Variants in PCDHGA3 observed in about 807,000 individuals in gnomAD.
The protein encoded by PCDHGA3 is protocadherin gamma subfamily A, 3.
In PCDHGA3, 40 loss-of-function variants were observed where a neutral mutation model predicts 58.5. The observed-to-expected ratio is 0.68, with a 90% CI of 0.53 to 0.89. The LOEUF (loss-of-function observed/expected upper bound fraction) is 0.89, where lower values mean the gene tolerates loss of function less well. Ranked by LOEUF, PCDHGA3 falls within the 40% of genes least tolerant of loss-of-function variation. PCDHGA3 has a pLI of 0.00. For missense variants in PCDHGA3, 1,223 were observed against 1,195.9 expected (o/e 1.02, Z -0.33); for synonymous variants, 530 against 525.7 (o/e 1.01, Z -0.11).
Position 141,491,498 on chromosome 5 carries a change from C to T in PCDHGA3, c.2425-3309C>T, listed in dbSNP as rs975297143. 2 of 1,614,102 alleles carry T rather than the reference C, an allele frequency of 1.2e-6. No homozygotes were observed. Among genetic ancestry groups the T allele is most frequent in the Non-Finnish European group, 1.7e-6 (2 of 1,180,018 alleles). ...TCCAGCCCCAACCTGCAGGTGAGCT[C>T]GGACGGCACGCTCAAGTACATGGAG... On this transcript the variant is annotated intron_variant, in intron 1 of 3. Transcript: ENST00000253812. The surrounding 1 kb of genome is among the most constrained non-coding windows in gnomAD (Gnocchi z 6.9).
At chr5:141,356,082 G>A in intron 1 of PCDHGA3, 4 of 1,613,870 alleles carry the variant, frequency 2.5e-6, no homozygotes, top group Non-Finnish European at 3.4e-6. Flanking sequence ...TATTTCAGTT[G>A]AATTCTCTGA....
intron 1 of PCDHGA3, among the ~76,000 whole-genome samples, chr5:141,397,036 T>G (rs2093467467): frequency 2.0e-5 from 3 of 152,222 alleles, no homozygotes. Context: ...TGTCCACAAA[T>G]TTATGTAAAT....
intron 1 of PCDHGA3, among the ~76,000 whole-genome samples, chr5:141,430,346 C>G (rs1191705310): frequency 6.8e-6 from 1 of 148,074 alleles, no homozygotes; most frequent in Non-Finnish European, 1.5e-5. Context: ...ACTTCCAATT[C>G]ATTTAAAAGC....
At chr5:141,502,118 G>A (rs897244225) in intron 2 of PCDHGA3, among the ~76,000 whole-genome samples, 3 of 152,108 alleles carry the variant, frequency 2.0e-5, no homozygotes, top group African/African-American at 7.2e-5. Context: ...CCTCAGCCAG[G>A]CCCACAGAGC....
chr5:141,428,857 A>C (rs2097165548), intron 1 of PCDHGA3: 1 of 140,386 alleles, frequency 7.1e-6, no homozygotes, highest in Non-Finnish European at 1.5e-5. Context: ...TTTTTACGGG[A>C]GACTTTTTTT....
chr5:141,485,601 G>T lies in PCDHGA3; in HGVS notation c.2425-9206G>T, dbSNP rs762783104. On this transcript the variant is annotated intron_variant, in intron 1 of 3. Transcript: ENST00000253812. The surrounding 1 kb of genome is among the most constrained non-coding windows in gnomAD (Gnocchi z 5.7). ...CGGCAGCAGCTGGACTTGGAAATTG[G>T]GGAGGCAGCTCCTCCAGGACAGCGT... The T allele has an allele frequency of 3.1e-6, 5 of 1,612,290 alleles. No individual in the cohort carries two copies. Among genetic ancestry groups the T allele is most frequent in the Non-Finnish European group, 4.2e-6 (5 of 1,178,722 alleles).
chr5:141,503,221 C>A (rs528636727), intron 2 of PCDHGA3, among the ~76,000 whole-genome samples: 2 of 151,956 alleles, frequency 1.3e-5, no homozygotes, highest in Non-Finnish European at 2.9e-5. Context: ...CCATGAGCAC[C>A]GTAAAGATGG....
At chr5:141,407,240 C>T (rs1011878099) in intron 1 of PCDHGA3, among the ~76,000 whole-genome samples, 3 of 152,158 alleles carry the variant, frequency 2.0e-5, no homozygotes, top group African/African-American at 7.2e-5. Context: ...ATAAAGCATA[C>T]TTCAGGCTCA....
Position 141,485,036 on chromosome 5 carries a change from C to A in PCDHGA3, c.2425-9771C>A. ...CGCCACCAGCAAAAACGGCGCGTAA[C>A]CCTTGCGGCGCCGGCCGAACCGCGC... On this transcript the variant is annotated intron_variant, in intron 1 of 3. Coordinates refer to ENST00000253812, the MANE Select transcript of PCDHGA3 (RefSeq NM_018916.4). The surrounding 1 kb of genome is among the most constrained non-coding windows in gnomAD (Gnocchi z 5.7). 1 of 698,458 alleles carries A rather than the reference C, an allele frequency of 1.4e-6. No individual in the cohort carries two copies. The highest frequency in any genetic ancestry group is 2.5e-6 in the Non-Finnish European group (1 of 399,316). The allele number at this position is 698,458 out of a possible 1,614,324, so 43.3% of individuals were successfully genotyped here. A position where few individuals can be genotyped will look rare whatever the true frequency, so the allele number is the denominator to read the frequency against.
At chr5:141,392,229 TTC>T (rs1184019586) in intron 1 of PCDHGA3, 5 of 152,224 alleles carry the variant, frequency 3.3e-5, no homozygotes, top group Admixed American at 6.5e-5. Context: ...ACAACTGAAG[TTC>T]TTAGTTATTT....
At chr5:141,407,429 C>T (rs2094929018) in intron 1 of PCDHGA3, among the ~76,000 whole-genome samples, 1 of 151,532 alleles carries the variant, frequency 6.6e-6, no homozygotes, top group Admixed American at 6.6e-5. Flanking sequence ...ATGTCTCTTG[C>T]CCTTAAAACC....
At chr5:141,460,985 A>G (rs553462661) in intron 1 of PCDHGA3, among the ~76,000 whole-genome samples, 245 of 91,804 alleles carry the variant, frequency 2.7e-3, no homozygotes, top group Middle Eastern at 5.0e-3. Context: ...GTGTGTGTGT[A>G]TATATATATA....
At chr5:141,450,919 G>A (rs1489017891) in intron 1 of PCDHGA3, among the ~76,000 whole-genome samples, 2 of 151,024 alleles carry the variant, frequency 1.3e-5, no homozygotes, top group African/African-American at 4.9e-5. Context: ...CTGCCTCCCA[G>A]ATTCAAGCAA....
At position 141,400,548 on chromosome 5, in the gene PCDHGA3, T is replaced by G. The variant is rs551157559; in HGVS notation, c.2424+54091T>G. On this transcript the variant is annotated intron_variant, in intron 1 of 3. Transcript: ENST00000253812. ...TGGTGAGTTTCATTTATGTCTATTC[T>G]TTTTCATTACCCACCCAATTTTCTG... is the stretch of plus-strand genomic sequence containing the variant. 3.3e-4 allele frequency: 529 copies of G among 1,613,654 alleles called. 1 individual carries two copies. In the South Asian group the frequency reaches 4.9e-3, roughly 15 times the overall value.
At chr5:141,420,770 T>G (rs1485978181) in intron 1 of PCDHGA3, among the ~76,000 whole-genome samples, 1 of 152,202 alleles carries the variant, frequency 6.6e-6, no homozygotes, top group Non-Finnish European at 1.5e-5. Flanking sequence ...AGTTTTCAGC[T>G]CCAGTAATAT....
At position 141,489,577 on chromosome 5, in the gene PCDHGA3, C is replaced by A. The variant is rs918238376; in HGVS notation, c.2425-5230C>A. The stretch of plus-strand genomic sequence containing the variant: ...GCCAGTGCAGGTGGTGACTGAACAC[C>A]CCCTGGAGCTAATCCGTGTAGAGGT... On this transcript the variant is annotated intron_variant, in intron 1 of 3. Coordinates refer to ENST00000253812, the MANE Select transcript of PCDHGA3 (RefSeq NM_018916.4). This position sits in a 1 kb window ranked among gnomAD's most constrained non-coding sequence, Gnocchi z 4.5. The A allele has an allele frequency of 6.2e-7, 1 of 1,613,894 alleles. No individual in the cohort carries two copies. The highest frequency in any genetic ancestry group is 8.5e-7 in the Non-Finnish European group (1 of 1,180,000).
chr5:141,394,859 C>A, intron 1 of PCDHGA3: 1 of 1,613,758 alleles, frequency 6.2e-7, no homozygotes. Context: ...AGCCTTCGGT[C>A]GACCCGAACG....
In PCDHGA3 at chr5:141,432,690, T is replaced by A. The variant is rs764124373; in HGVS notation, c.2425-62117T>A. 5.0e-6 allele frequency: 8 copies of A among 1,613,854 alleles called. No individual in the cohort carries two copies. The highest frequency in any genetic ancestry group is 2.7e-5 in the African/African-American group (2 of 74,940). ...GACGCGCTCAAGCAGAGCCTCGTAGTGGCCGTCCAGGACCACGGCCAGCCC... is the reference window on the plus strand; with the variant it reads ...GACGCGCTCAAGCAGAGCCTCGTAGAGGCCGTCCAGGACCACGGCCAGCCC... On this transcript the variant is annotated intron_variant, in intron 1 of 3. Coordinates refer to ENST00000253812, the MANE Select transcript of PCDHGA3 (RefSeq NM_018916.4). This position sits in a 1 kb window ranked among gnomAD's most constrained non-coding sequence, Gnocchi z 6.0.
chr5:141,370,436 G>A, intron 1 of PCDHGA3: 1 of 1,604,136 alleles, frequency 6.2e-7, no homozygotes, highest in Non-Finnish European at 8.5e-7. Context: ...CAGGGCAGAG[G>A]CGAATGCTAT....
Sources: allele counts gnomAD v4.1 joint callset (sites outside exome capture counted in the v4.1 genomes callset), GRCh38; gene constraint gnomAD v4.1.1; non-coding constraint Gnocchi (gnomAD v3.1); transcripts MANE v1.5; gene names NCBI Gene and HGNC (gene_info 2026-07-23, HGNC 2026-07-21).